Variants in DTX2 observed in about 807,000 individuals in gnomAD.
The protein encoded by DTX2 is probable E3 ubiquitin-protein ligase DTX2.
Under a neutral mutation model 55.3 loss-of-function variants are expected in DTX2, and 29 were observed. The observed-to-expected ratio is 0.52, with a 90% CI of 0.39 to 0.71. The LOEUF (loss-of-function observed/expected upper bound fraction) is 0.71. Among genes scored for constraint, DTX2 ranks in the 30% least tolerant of loss-of-function variants. The pLI, the probability that DTX2 is intolerant of heterozygous loss-of-function variation, is 0.00. For missense variants in DTX2, 537 were observed against 822.5 expected (o/e 0.65, Z 4.25); for synonymous variants, 276 against 340.4 (o/e 0.81, Z 2.08).
chr7:76,504,580 G>C lies in DTX2; in HGVS notation c.1641+135G>C, dbSNP rs1228379407. The C allele has an allele frequency of 4.8e-6, 3 of 622,818 alleles. No individual in the cohort carries two copies. In the African/African-American group the frequency reaches 5.5e-5, roughly 11 times the overall value. 38.6% of individuals were successfully genotyped at this position (622,818 alleles called of 1,614,324 possible). On this transcript the variant is annotated intron_variant, in intron 10 of 10. Coordinates refer to ENST00000430490, the MANE Select transcript of DTX2 (RefSeq NM_001102594.3). ...GGCCGAGTGTCTGCTGCTCTTTTCT[G>C]GGGACCTGCTGTAGGTACAGGGAGG...
intron 2 of DTX2, among the ~76,000 whole-genome samples, chr7:76,469,605 G>A (rs1260340309): frequency 4.0e-5 from 6 of 149,772 alleles, no homozygotes; most frequent in African/African-American, 1.5e-4. Flanking sequence ...GCATTAGCCA[G>A]GATGGTCTCG....
intron 6 of DTX2, among the ~76,000 whole-genome samples, chr7:76,498,281 G>T (rs1281719801): frequency 1.3e-5 from 2 of 148,694 alleles, no homozygotes; most frequent in Non-Finnish European, 3.0e-5. Flanking sequence ...GGCAAGGGTG[G>T]CTTCCGATCG....
chr7:76,483,121 A>G lies in DTX2; in HGVS notation c.882A>G (p.Pro294=), dbSNP rs773838700. 8 of 1,612,052 alleles carry G rather than the reference A, an allele frequency of 5.0e-6. No individual in the cohort carries two copies. The South Asian group carries it at 6.6e-5, about 13-fold the overall frequency. ...ACCTGGGACCGCAGCACCTGCCCCCAGGATCCTCCACCTCCGGTGCAGTCA... is the reference window on the plus strand; with the variant it reads ...ACCTGGGACCGCAGCACCTGCCCCCGGGATCCTCCACCTCCGGTGCAGTCA... ...LSHLGPQHLP[P]GSSTSGAVSA... Residue 294 remains proline (P), a synonymous_variant, in exon 4 of 11, where the codon CCA becomes CCG. Coordinates refer to ENST00000430490, the MANE Select transcript of DTX2 (RefSeq NM_001102594.3).
intron 2 of DTX2, chr7:76,476,906 G>C (rs1372362210): frequency 6.6e-6 from 1 of 152,118 alleles, no homozygotes; most frequent in Non-Finnish European, 1.5e-5. Flanking sequence ...TGCCTTCGTG[G>C]AAAGTTTTAG....
intron 2 of DTX2, among the ~76,000 whole-genome samples, chr7:76,473,332 G>A (rs927484090): frequency 2.0e-5 from 3 of 150,476 alleles, no homozygotes; most frequent in African/African-American, 7.4e-5. Context: ...GGGGTGTGGA[G>A]TTTCAGGCCC....
chr7:76,484,379 C>T (rs1584191995), intron 4 of DTX2, among the ~76,000 whole-genome samples: 1 of 13,280 alleles, frequency 7.5e-5, no homozygotes, highest in African/African-American at 7.3e-4. Flanking sequence ...AAATGAGGAA[C>T]CCCCCCAGGA....
chr7:76,483,670 A>C (rs1400358207), intron 4 of DTX2, among the ~76,000 whole-genome samples: 2 of 150,872 alleles, frequency 1.3e-5, no homozygotes, highest in African/African-American at 4.9e-5. Context: ...GATGCAGCCC[A>C]GCCCAGAGTG....
intron 2 of DTX2, among the ~76,000 whole-genome samples, chr7:76,468,478 A>C (rs1807447883): frequency 2.1e-5 from 1 of 48,338 alleles, no homozygotes. Flanking sequence ...TTTTTTTTTG[A>C]GATGGAGTCT....
rs528377935 is a variant in DTX2 at position 76,490,311 on chromosome 7, C to T, written c.909-1842C>T. Among the ~76,000 whole-genome samples, 402 of 84,918 alleles carry T rather than the reference C, an allele frequency of 4.7e-3. 106 individuals are homozygous for T. Among genetic ancestry groups the T allele is most frequent in the Non-Finnish European group, 8.0e-3 (333 of 41,636 alleles). 55.7% of individuals were successfully genotyped at this position (84,918 alleles called of 152,430 possible). A position where few individuals can be genotyped will look rare whatever the true frequency, so the allele number is the denominator to read the frequency against. On this transcript the variant is annotated intron_variant, in intron 4 of 10. Transcript: ENST00000430490. ...ACTGCACTCCAGCCTGGTAATAGAG[C>T]GAGACTCCGTCCCCTCACCCCCCCA...
chr7:76,490,272 G>A (rs1305436730), intron 4 of DTX2, among the ~76,000 whole-genome samples: 1 of 85,568 alleles, frequency 1.2e-5, no homozygotes, highest in African/African-American at 5.6e-5. Context: ...GTTTCAGTGA[G>A]CCAAGATCAC....
At chr7:76,474,457 A>G (rs1251916352) in intron 2 of DTX2, 1 of 152,134 alleles carries the variant, frequency 6.6e-6, no homozygotes, top group East Asian at 1.9e-4. Flanking sequence ...GAACCTAGAG[A>G]AGGGGACATA....
At position 76,483,048 on chromosome 7, in the gene DTX2, C is replaced by G; in HGVS notation, c.809C>G (p.Ala270Gly). 1.2e-6 allele frequency: 2 copies of G among 1,613,394 alleles called. No homozygotes were observed. Among genetic ancestry groups the G allele is most frequent in the Non-Finnish European group, 1.7e-6 (2 of 1,179,736 alleles). The change falls in exon 4 of 11, where the codon GCT (alanine) becomes GGT (glycine). Residue 270 changes from alanine (A) to glycine (G), a missense_variant. Physicochemically the swap from Ala to Gly is moderately conservative, Grantham distance 60 (BLOSUM62 0). Transcript: ENST00000430490. ...AACACCACCAACGCCTGGGGCGCAG[C>G]TCCTCCTTCCCTGGGGAGCCAGCCC... ...RLNTTNAWGA[A>G]PPSLGSQPLY...
At chr7:76,464,290 A>G (rs1423640914) in intron 2 of DTX2, among the ~76,000 whole-genome samples, 1 of 150,294 alleles carries the variant, frequency 6.7e-6, no homozygotes, top group East Asian at 2.0e-4. Context: ...AGCTACCGGG[A>G]CACAGCTGGG....
intron 10 of DTX2, among the ~76,000 whole-genome samples, chr7:76,504,682 A>T (rs1812146789): frequency 6.6e-6 from 1 of 152,188 alleles, no homozygotes. Flanking sequence ...TGGGGTCAGG[A>T]GCTCCTGAGA....
chr7:76,505,724 C>G lies in DTX2; in HGVS notation c.*123C>G. The stretch of plus-strand genomic sequence containing the variant: ...GTTTGTTGAGGGTGTGGGGTGTGCC[C>G]CACCTGAAGCCGGGGCTCCCCCTGC... On this transcript the variant is annotated 3_prime_UTR_variant, in exon 11 of 11. Transcript: ENST00000430490. The surrounding 1 kb of genome is among the most constrained non-coding windows in gnomAD (Gnocchi z 4.4). 9.6e-7 allele frequency: 1 copy of G among 1,039,328 alleles called. No individual in the cohort carries two copies. Among genetic ancestry groups the G allele is most frequent in the East Asian group, 2.6e-5 (1 of 38,344 alleles). 64.4% of individuals were successfully genotyped at this position (1,039,328 alleles called of 1,614,324 possible).
chr7:76,499,631 C>G (rs1252750250), intron 6 of DTX2, among the ~76,000 whole-genome samples: 1 of 147,390 alleles, frequency 6.8e-6, no homozygotes, highest in East Asian at 2.0e-4. Flanking sequence ...CACCCCCGCA[C>G]GGGCTTGGCT....
chr7:76,502,794 C>G (rs1443586871), intron 8 of DTX2: 1 of 385,254 alleles, frequency 2.6e-6, no homozygotes, highest in East Asian at 4.3e-5. Context: ...ACACTGTCTC[C>G]CTTCTTCCTT....
At chr7:76,503,060 G>A (rs1978294) in intron 8 of DTX2, 72,576 of 288,316 alleles carry the variant, frequency 0.25, 9,641 homozygotes, top group East Asian at 0.4. Context: ...AGCCTGGCTC[G>A]GCCTTCCCTA....
chr7:76,464,101 A>T (rs1373296264), intron 2 of DTX2, among the ~76,000 whole-genome samples: 1 of 151,692 alleles, frequency 6.6e-6, no homozygotes, highest in Non-Finnish European at 1.5e-5. Context: ...AGTGTGATAT[A>T]TACTGAGCTG....
Sources: gnomAD v4.1 joint callset for allele counts (sites outside exome capture counted in the v4.1 genomes callset) on GRCh38, gnomAD v4.1.1 for gene constraint, Gnocchi (gnomAD v3.1) non-coding constraint, MANE v1.5 for transcripts, NCBI Gene and HGNC (gene_info 2026-07-23, HGNC 2026-07-21) for gene names.